Variants in RAD9B observed in about 807,000 individuals in gnomAD.
RAD9B encodes cell cycle checkpoint control protein RAD9B.
A neutral mutation model predicts 48.3 loss-of-function variants in RAD9B; 41 were observed. That is an observed-to-expected ratio of 0.85 (90% CI 0.66 to 1.10). RAD9B has a LOEUF of 1.10. Ranked by LOEUF, RAD9B falls within the 50% of genes least tolerant of loss-of-function variation. The pLI, the probability that RAD9B is intolerant of heterozygous loss-of-function variation, is 0.00. For synonymous variants in RAD9B, 160 were observed against 157.9 expected (o/e 1.01, Z -0.10); for missense variants, 444 against 485.1 (o/e 0.92, Z 0.80).
intron 1 of RAD9B, 140 bp from the exon 2 acceptor site, chr12:110,503,666 T>C: frequency 1.5e-6 from 1 of 662,578 alleles, no homozygotes; most frequent in Non-Finnish European, 2.7e-6. Flanking sequence ...TATACTGTAT[T>C]AAAGTAATGT....
intron 3 of RAD9B, among the ~76,000 whole-genome samples, chr12:110,506,313 C>T (rs1366596497): frequency 3.9e-5 from 6 of 151,956 alleles, no homozygotes; most frequent in Non-Finnish European, 7.4e-5. Flanking sequence ...CTCAGCCTCC[C>T]GAGTAGCTGG....
chr12:110,514,960 T>C, intron 5 of RAD9B, 90 bp from the exon 6 acceptor site: 2 of 754,058 alleles, frequency 2.7e-6, no homozygotes, highest in Non-Finnish European at 4.1e-6. Flanking sequence ...ATTATTTATT[T>C]CCAGATTAGA....
chr12:110,507,211 G>A (rs1052651196), intron 4 of RAD9B, among the ~76,000 whole-genome samples: 7 of 151,522 alleles, frequency 4.6e-5, no homozygotes, highest in African/African-American at 1.2e-4. Context: ...TAAGATGATC[G>A]GTATTATTTC....
chr12:110,524,486 C>T (rs774805676), intron 10 of RAD9B, among the ~76,000 whole-genome samples: 7 of 152,106 alleles, frequency 4.6e-5, no homozygotes, highest in Non-Finnish European at 7.4e-5. Context: ...TGCTTGAATC[C>T]GGGAGGCGGA....
chr12:110,512,460 A>G (rs953096247), intron 4 of RAD9B, among the ~76,000 whole-genome samples: 1 of 152,186 alleles, frequency 6.6e-6, no homozygotes, highest in African/African-American at 2.4e-5. Context: ...CATGTACCCC[A>G]TAAATATTTT....
At chr12:110,503,060 C>T (rs1278670758) in intron 1 of RAD9B, 2 of 152,600 alleles carry the variant, frequency 1.3e-5, no homozygotes, top group East Asian at 3.9e-4. Flanking sequence ...CCCTGACCAA[C>T]ATGATGAAAC....
intron 10 of RAD9B, among the ~76,000 whole-genome samples, chr12:110,528,475 G>T (rs566828201): frequency 4.0e-5 from 6 of 151,876 alleles, no homozygotes; most frequent in Non-Finnish European, 8.8e-5. Flanking sequence ...CTCCCTGCAG[G>T]ACAGCTCTAC....
intron 10 of RAD9B, among the ~76,000 whole-genome samples, chr12:110,525,703 T>G (rs970525376): frequency 2.0e-5 from 3 of 152,188 alleles, no homozygotes; most frequent in African/African-American, 7.2e-5. Flanking sequence ...TGTGGAGAGA[T>G]ACTTTGATAC....
intron 10 of RAD9B, among the ~76,000 whole-genome samples, chr12:110,527,734 T>C (rs774085170): frequency 2.0e-5 from 3 of 152,202 alleles, no homozygotes; most frequent in Non-Finnish European, 2.9e-5. Flanking sequence ...AATATATAAT[T>C]TTTGAAAGGC....
At position 110,509,534 on chromosome 12, in the gene RAD9B, A is replaced by G. The variant is rs899409549; in HGVS notation, c.388+2841A>G. Among the ~76,000 whole-genome samples the G allele has an allele frequency of 2.0e-5, 3 of 151,904 alleles. No individual in the cohort carries two copies. In the South Asian group the frequency reaches 6.3e-4, roughly 32 times the overall value. On this transcript the variant is annotated intron_variant, in intron 4 of 10. Transcript: ENST00000409300. ...GGCAGTCCTCTTGCCTCAGCCTCCT[A>G]ATGTGCTGGAATTACAGGTGTGAGC...
Position 110,530,742 on chromosome 12 carries a change from G to T in RAD9B, c.*89G>T. On this transcript the variant is annotated 3_prime_UTR_variant, in exon 11 of 11. Coordinates refer to ENST00000409300, the MANE Select transcript of RAD9B (RefSeq NM_001286535.2). The stretch of plus-strand genomic sequence containing the variant: ...GTTTGCATGTTTAGTGTCTAAAAGA[G>T]GTTGTCCAGGACTTCCTTTTAATGG... 6.4e-7 allele frequency: 1 copy of T among 1,568,138 alleles called. No individual in the cohort carries two copies. Among genetic ancestry groups the T allele is most frequent in the South Asian group, 1.2e-5 (1 of 84,596 alleles).
rs2063184561 is a variant in RAD9B at position 110,504,020 on chromosome 12, C to CTT, written c.117+145_117+146dup. 2.4e-5 allele frequency: 13 copies of CTT among 538,436 alleles called. No individual in the cohort carries two copies. The South Asian group carries it at 3.7e-4, about 15-fold the overall frequency. The allele number at this position is 538,436 out of a possible 1,614,324, so 33.4% of individuals were successfully genotyped here. A position where few individuals can be genotyped will look rare whatever the true frequency, so the allele number is the denominator to read the frequency against. The stretch of plus-strand genomic sequence containing the variant: ...TCTTTATTTTACATATCTGAATACA[C>CTT]TTAGAGCATGGTAAAGTTGAAAATA... On this transcript the variant is annotated intron_variant, in intron 2 of 10. Transcript: ENST00000409300.
chr12:110,528,681 T>C (rs2064022946), intron 10 of RAD9B, among the ~76,000 whole-genome samples: 1 of 152,248 alleles, frequency 6.6e-6, no homozygotes, highest in South Asian at 2.1e-4. Flanking sequence ...TAAATTCTGT[T>C]GACCATAAGT....
intron 10 of RAD9B, among the ~76,000 whole-genome samples, chr12:110,526,336 G>T (rs1013642356): frequency 6.6e-6 from 1 of 152,186 alleles, no homozygotes; most frequent in African/African-American, 2.4e-5. Flanking sequence ...ACATGGAGAA[G>T]GGCCCCATTA....
At chr12:110,510,658 A>G (rs774827904) in intron 4 of RAD9B, among the ~76,000 whole-genome samples, 1 of 152,210 alleles carries the variant, frequency 6.6e-6, no homozygotes, top group Non-Finnish European at 1.5e-5. Context: ...TATTGTGAGG[A>G]TCAGAGAGAA....
Position 110,503,875 on chromosome 12 carries a change from G to A in RAD9B, c.116G>A (p.Gly39Asp). The change falls in exon 2 of 11, where the codon GGT becomes GAT. Residue 39 changes from glycine to aspartate, a missense_variant and splice_region_variant. Coordinates refer to ENST00000409300, the MANE Select transcript of RAD9B (RefSeq NM_001286535.2). ...TTCTGGCTAGACCCATCTAAAAAAG[G>A]TGTAAGTAAGAAAGTTAACAGATCA... ...DEFWLDPSKK[G>D]LALRCVNSSR... The A allele has an allele frequency of 6.4e-7, 1 of 1,552,298 alleles. No individual in the cohort carries two copies. The highest frequency in any genetic ancestry group is 8.7e-7 in the Non-Finnish European group (1 of 1,151,326).
intron 10 of RAD9B, among the ~76,000 whole-genome samples, 185 bp from the exon 11 acceptor site, chr12:110,530,340 C>T (rs192773549): frequency 6.4e-4 from 98 of 152,018 alleles, no homozygotes; most frequent in South Asian, 2.1e-3. Flanking sequence ...CCACCATGCG[C>T]GGCCAAGGTT....
At chr12:110,524,640 G>A (rs1042957321) in intron 10 of RAD9B, among the ~76,000 whole-genome samples, 9 of 152,014 alleles carry the variant, frequency 5.9e-5, no homozygotes, top group Non-Finnish European at 8.8e-5. Flanking sequence ...GGTGGCTCAT[G>A]CCTGTAATCC....
At position 110,518,730 on chromosome 12, in the gene RAD9B, T is replaced by A. The variant is rs770009690; in HGVS notation, c.650T>A (p.Phe217Tyr). ...TTTGTTGGCTCAGATGAGTTTGACTTCTTTCAAATTGGAATGGACACTGAG... is the reference window on the plus strand; with the variant it reads ...TTTGTTGGCTCAGATGAGTTTGACTACTTTCAAATTGGAATGGACACTGAG... ...EMFVGSDEFDFFQIGMDTEIT... is the reference protein window; with the variant it reads ...EMFVGSDEFDYFQIGMDTEIT... The change falls in exon 7 of 11, where the codon TTC becomes TAC. Residue 217 changes from phenylalanine (F) to tyrosine (Y), a missense_variant. Coordinates refer to ENST00000409300, the MANE Select transcript of RAD9B (RefSeq NM_001286535.2). The A allele has an allele frequency of 6.2e-7, 1 of 1,612,246 alleles. No homozygotes were observed. The highest frequency in any genetic ancestry group is 8.5e-7 in the Non-Finnish European group (1 of 1,178,658).
Sources: gnomAD v4.1 joint callset for allele counts (sites outside exome capture counted in the v4.1 genomes callset) on GRCh38, gnomAD v4.1.1 for gene constraint, MANE v1.5 for transcripts, NCBI Gene and HGNC (gene_info 2026-07-23, HGNC 2026-07-21) for gene names.